The following TCEA2 variants were observed in gnomAD, a reference collection of about 807,000 sequenced individuals.
TCEA2 encodes the protein transcription elongation factor A2.
TCEA2 carries 21 observed loss-of-function variants against 40.8 expected under a neutral mutation model. The ratio of observed to expected loss-of-function variants is 0.51; its 90% confidence interval spans 0.36 to 0.74. The LOEUF is 0.74. Among genes scored for constraint, TCEA2 ranks in the 30% least tolerant of loss-of-function variants. The pLI is 0.00. For missense variants in TCEA2, 326 were observed against 426.5 expected (o/e 0.76, Z 2.08); for synonymous variants, 165 against 162.7 (o/e 1.01, Z -0.11).
At chr20:64,068,025 C>T (rs2059737014) in intron 3 of TCEA2, 22 bp from the exon 4 acceptor site, 1 of 1,591,268 alleles carries the variant, frequency 6.3e-7, no homozygotes, top group African/African-American at 1.3e-5. Context: ...CTTGATCAGC[C>T]CATCCCCGAT....
At chr20:64,066,587 A>G in intron 2 of TCEA2, 49 bp downstream of exon 2, 1 of 1,594,942 alleles carries the variant, frequency 6.3e-7, no homozygotes. Flanking sequence ...GGTGCAGCCC[A>G]GGGGATGGCA....
chr20:64,056,174 G>A (rs2059471456), upstream of TCEA2, among the ~76,000 whole-genome samples: 1 of 152,172 alleles, frequency 6.6e-6, no homozygotes, highest in Non-Finnish European at 1.5e-5. Flanking sequence ...CCAAGGCTAT[G>A]GGCTGGGCTG....
chr20:64,063,242 G>T lies in TCEA2; in HGVS notation c.-71G>T. 1 of 1,365,398 alleles carries T rather than the reference G, an allele frequency of 7.3e-7. No homozygotes were observed. Among genetic ancestry groups the T allele is most frequent in the African/African-American group, 1.5e-5 (1 of 65,182 alleles). 84.6% of individuals were successfully genotyped at this position (1,365,398 alleles called of 1,614,324 possible). ...TGCGGCGGGTGTGGGAGGTGGCGACGGCCGGGGCCGGGGTCCTGCCCGGCT... is the reference window on the plus strand; with the variant it reads ...TGCGGCGGGTGTGGGAGGTGGCGACTGCCGGGGCCGGGGTCCTGCCCGGCT... On this transcript the variant is annotated 5_prime_UTR_variant, in exon 1 of 10. Coordinates refer to ENST00000343484, the MANE Select transcript of TCEA2 (RefSeq NM_003195.6).
Position 64,070,421 on chromosome 20 carries a change from C to T in TCEA2, c.672+7C>T. The T allele has an allele frequency of 2.5e-6, 4 of 1,614,090 alleles. No individual in the cohort carries two copies. The highest frequency in any genetic ancestry group is 3.4e-6 in the Non-Finnish European group (4 of 1,180,010). On this transcript the variant is annotated splice_region_variant and intron_variant, in intron 7 of 9. Coordinates refer to ENST00000343484, the MANE Select transcript of TCEA2 (RefSeq NM_003195.6). ...CGCTGTGATGACCTCAGAGGTGAGCCCCTGTTGGAGGGGCTGGAGGGCTGC... is the reference window on the plus strand; with the variant it reads ...CGCTGTGATGACCTCAGAGGTGAGCTCCTGTTGGAGGGGCTGGAGGGCTGC...
chr20:64,066,265 T>C (rs2059691247), intron 1 of TCEA2: 1 of 546,042 alleles, frequency 1.8e-6, no homozygotes, highest in Admixed American at 3.2e-5. Flanking sequence ...CCTCCCCTTC[T>C]TGACTGAGCA....
intron 3 of TCEA2, among the ~76,000 whole-genome samples, chr20:64,067,628 C>T (rs918353890): frequency 5.9e-5 from 9 of 152,252 alleles, no homozygotes; most frequent in African/African-American, 9.6e-5. Flanking sequence ...CTGTGTGGCC[C>T]TCAGGCTGTG....
In TCEA2 at chr20:64,072,288, C is replaced by G; in HGVS notation, c.*108C>G. On this transcript the variant is annotated 3_prime_UTR_variant, in exon 10 of 10. Coordinates refer to ENST00000343484, the MANE Select transcript of TCEA2 (RefSeq NM_003195.6). The stretch of plus-strand genomic sequence containing the variant: ...GGCGGCATGTCCTGCCCTCAACCTG[C>G]CTGCCTGGATTGCACCTTTCTGCCC... 7.9e-7 allele frequency: 1 copy of G among 1,261,652 alleles called. No homozygotes were observed. Among genetic ancestry groups the G allele is most frequent in the Non-Finnish European group, 1.1e-6 (1 of 892,256 alleles). 78.2% of individuals were successfully genotyped at this position (1,261,652 alleles called of 1,614,324 possible).
chr20:64,070,134 C>A, intron 6 of TCEA2, 126 bp from the exon 7 acceptor site: 1 of 1,417,224 alleles, frequency 7.1e-7, no homozygotes, highest in Non-Finnish European at 9.7e-7. Context: ...TGTGGGTGGG[C>A]AGACCGACCC....
At chr20:64,061,067 A>G (rs188615040), upstream of TCEA2, among the ~76,000 whole-genome samples, 1 of 145,328 alleles carries the variant, frequency 6.9e-6, no homozygotes, top group Admixed American at 7.0e-5. Flanking sequence ...CTAGGATTAC[A>G]AGCATGAGCC....
intron 6 of TCEA2, 200 bp from the exon 7 acceptor site, chr20:64,070,060 G>A (rs1288088898): frequency 1.1e-6 from 1 of 902,184 alleles, no homozygotes; most frequent in African/African-American, 1.6e-5. Context: ...GCCTGAAGCT[G>A]GGTCTCAGTC....
At chr20:64,064,052 G>C (rs1047758051) in intron 1 of TCEA2, 3 of 152,378 alleles carry the variant, frequency 2.0e-5, no homozygotes, top group African/African-American at 7.2e-5. Flanking sequence ...TTGCCTGTGG[G>C]CCCATTTTCT....
At position 64,067,004 on chromosome 20, in the gene TCEA2, CTGG is replaced by C; in HGVS notation, c.226_228del (p.Trp76del). On this transcript the variant is annotated inframe_deletion, in exon 3 of 10. Coordinates refer to ENST00000343484, the MANE Select transcript of TCEA2 (RefSeq NM_003195.6). ...CACTGGCCAAGTCTCTCATCAAGTC[CTGG>C]AAGAAGCTCCTGGGTGCGGCTCAGG... 6.2e-7 allele frequency: 1 copy of C among 1,612,772 alleles called. No individual in the cohort carries two copies. Among genetic ancestry groups the C allele is most frequent in the Non-Finnish European group, 8.5e-7 (1 of 1,179,480 alleles).
At chr20:64,070,770 C>CATG in intron 8 of TCEA2, 135 bp downstream of exon 8, 1 of 1,262,548 alleles carries the variant, frequency 7.9e-7, no homozygotes. Context: ...TAGGCTAAGG[C>CATG]ATGATGGCCA....
upstream of TCEA2, among the ~76,000 whole-genome samples, chr20:64,059,694 A>ACCAGCTC (rs1445792419): frequency 6.6e-6 from 1 of 152,032 alleles, no homozygotes; most frequent in Non-Finnish European, 1.5e-5. Context: ...TTTGTTCTCG[A>ACCAGCTC]CCAGCTCCCA....
chr20:64,070,222 C>T (rs372423419), intron 6 of TCEA2, 38 bp from the exon 7 acceptor site: 47 of 1,606,906 alleles, frequency 2.9e-5, no homozygotes, highest in South Asian at 4.4e-5. Context: ...TGGAGGGCAG[C>T]GACGTTGTCC....
rs1231390490 is a variant in TCEA2 at position 64,063,246 on chromosome 20, G to A, written c.-67G>A. 1.4e-5 allele frequency: 19 copies of A among 1,385,116 alleles called. No individual in the cohort carries two copies. Among genetic ancestry groups the A allele is most frequent in the Admixed American group, 3.2e-5 (1 of 30,784 alleles). The allele number at this position is 1,385,116 out of a possible 1,614,324, so 85.8% of individuals were successfully genotyped here. On this transcript the variant is annotated 5_prime_UTR_variant, in exon 1 of 10. Transcript: ENST00000343484. ...GCGGGTGTGGGAGGTGGCGACGGCC[G>A]GGGCCGGGGTCCTGCCCGGCTGCGG... is the stretch of plus-strand genomic sequence containing the variant.
At chr20:64,068,195 G>A in intron 4 of TCEA2, 61 bp downstream of exon 4, 9 of 1,453,040 alleles carry the variant, frequency 6.2e-6, no homozygotes, top group Non-Finnish European at 8.5e-6. Flanking sequence ...CCTTGCCAGA[G>A]AAAGGGTGCC....
At chr20:64,067,289 G>A (rs999772408) in intron 3 of TCEA2, among the ~76,000 whole-genome samples, 5 of 152,226 alleles carry the variant, frequency 3.3e-5, no homozygotes, top group Non-Finnish European at 7.3e-5. Flanking sequence ...GGAGAGAAGA[G>A]AGTTGAGGCC....
upstream of TCEA2, chr20:64,063,183 G>T (rs919472251): frequency 1.3e-6 from 1 of 791,332 alleles, no homozygotes; most frequent in Non-Finnish European, 1.7e-6. Context: ...GGTTTGAACC[G>T]GGGGTCTGTC....
Sources: allele counts gnomAD v4.1 joint callset (sites outside exome capture counted in the v4.1 genomes callset), GRCh38; gene constraint gnomAD v4.1.1; transcripts MANE v1.5; gene names NCBI Gene and HGNC (gene_info 2026-07-23, HGNC 2026-07-21).